DCP1A: variants seen among roughly 807,000 people sequenced by gnomAD.
The protein encoded by DCP1A is decapping mRNA 1A.
Under a neutral mutation model 58.0 loss-of-function variants are expected in DCP1A, and 20 were observed. That is an observed-to-expected ratio of 0.34 (90% CI 0.24 to 0.50). The LOEUF is 0.50. Among genes scored for constraint, DCP1A ranks in the 20% least tolerant of loss-of-function variants. The pLI, the probability that DCP1A is intolerant of heterozygous loss-of-function variation, is 0.98. For synonymous variants in DCP1A, 285 were observed against 275.1 expected (o/e 1.04, Z -0.36); for missense variants, 613 against 712.2 (o/e 0.86, Z 1.59).
chr3:53,289,875 C>T (rs1392898965), intron 8 of DCP1A, among the ~76,000 whole-genome samples: 3 of 152,108 alleles, frequency 2.0e-5, no homozygotes, highest in African/African-American at 4.8e-5. Context: ...GAGCACAGAG[C>T]GGGCCACAGT....
rs1325920378 is a variant in DCP1A, at chr3:53,284,995, C to T, written c.*2585G>A. The T allele has an allele frequency of 6.6e-6, 1 of 152,128 alleles. No homozygotes were observed. Among genetic ancestry groups the T allele is most frequent in the Non-Finnish European group, 1.5e-5 (1 of 68,054 alleles). 9.4% of individuals were successfully genotyped at this position (152,128 alleles called of 1,614,324 possible). A position where few individuals can be genotyped will look rare whatever the true frequency, so the allele number is the denominator to read the frequency against. On this transcript the variant is annotated 3_prime_UTR_variant, in exon 10 of 10. Transcript: ENST00000610213. ...AGGCTGTCTGGGAGGCCTGAGAGTCCATTAAAAGACACCGCATTAACTACA... is the reference window on the plus strand; with the variant it reads ...AGGCTGTCTGGGAGGCCTGAGAGTCTATTAAAAGACACCGCATTAACTACA...
At chr3:53,295,753 G>A (rs537235583) in intron 6 of DCP1A, among the ~76,000 whole-genome samples, 17 of 152,228 alleles carry the variant, frequency 1.1e-4, no homozygotes, top group Admixed American at 2.6e-4. Context: ...TTCTAATTTA[G>A]TTCCTTATCT....
At chr3:53,339,076 T>C (rs1233354316) in intron 3 of DCP1A, among the ~76,000 whole-genome samples, 1 of 152,140 alleles carries the variant, frequency 6.6e-6, no homozygotes, top group Non-Finnish European at 1.5e-5. Context: ...GAATCAGGTA[T>C]AATTACCTGT....
chr3:53,317,007 T>C (rs782799130), intron 4 of DCP1A, among the ~76,000 whole-genome samples: 2 of 152,180 alleles, frequency 1.3e-5, no homozygotes, highest in African/African-American at 4.8e-5. Flanking sequence ...CTTTCAATAG[T>C]TGTTAGAGCT....
intron 4 of DCP1A, among the ~76,000 whole-genome samples, chr3:53,314,453 A>G (rs1018367755): frequency 6.6e-6 from 1 of 152,152 alleles, no homozygotes; most frequent in African/African-American, 2.4e-5. Context: ...TGAGAATAAG[A>G]CCAAACATGA....
chr3:53,339,395 G>A (rs1553692308), intron 3 of DCP1A, among the ~76,000 whole-genome samples: 1 of 152,108 alleles, frequency 6.6e-6, no homozygotes, highest in Non-Finnish European at 1.5e-5. Context: ...TTCTCCCCAA[G>A]AATGTTCTAG....
intron 4 of DCP1A, among the ~76,000 whole-genome samples, chr3:53,316,701 T>A (rs1707825500): frequency 7.0e-6 from 1 of 142,224 alleles, no homozygotes; most frequent in Non-Finnish European, 1.5e-5. Context: ...CGCCTTGACC[T>A]CCCAAAGTGC....
chr3:53,320,456 C>G (rs1377858314), intron 3 of DCP1A, among the ~76,000 whole-genome samples: 1 of 152,136 alleles, frequency 6.6e-6, no homozygotes, highest in Non-Finnish European at 1.5e-5. Flanking sequence ...CCATGTGGGC[C>G]CATATGATGA....
At chr3:53,313,163 A>G (rs72957594) in intron 4 of DCP1A, among the ~76,000 whole-genome samples, 6,674 of 152,282 alleles carry the variant, frequency 0.044, 486 homozygotes, top group African/African-American at 0.15. Context: ...CTTAAAAGTT[A>G]GTAACACTAT....
At chr3:53,337,967 G>A (rs2089144144) in intron 3 of DCP1A, 1 of 221,136 alleles carries the variant, frequency 4.5e-6, no homozygotes, top group Admixed American at 4.6e-5. Flanking sequence ...CAAAGTTTTA[G>A]TGGATAGCAC....
intron 3 of DCP1A, among the ~76,000 whole-genome samples, chr3:53,322,610 G>C (rs1048339760): frequency 2.0e-5 from 3 of 151,932 alleles, no homozygotes; most frequent in Non-Finnish European, 2.9e-5. Context: ...TCATGAACAA[G>C]AATTTTTTTT....
At chr3:53,345,455 C>A (rs1297553957) in intron 1 of DCP1A, among the ~76,000 whole-genome samples, 14 of 152,096 alleles carry the variant, frequency 9.2e-5, no homozygotes, top group Non-Finnish European at 1.8e-4. Flanking sequence ...ACAAAATCAG[C>A]TTGTTATTTT....
intron 4 of DCP1A, among the ~76,000 whole-genome samples, chr3:53,314,193 C>T (rs1446207532): frequency 6.6e-6 from 1 of 152,116 alleles, no homozygotes; most frequent in Admixed American, 6.5e-5. Context: ...CACAACTGGC[C>T]AGTTGATTTT....
At chr3:53,339,148 GCTGAC>G (rs1404816098) in intron 3 of DCP1A, among the ~76,000 whole-genome samples, 9 of 152,048 alleles carry the variant, frequency 5.9e-5, no homozygotes, top group African/African-American at 2.2e-4. Flanking sequence ...TTAATAGCTC[GCTGAC>G]CTGACAAGAC....
chr3:53,328,580 C>A (rs1553690917), intron 3 of DCP1A, among the ~76,000 whole-genome samples: 1 of 151,476 alleles, frequency 6.6e-6, no homozygotes, highest in African/African-American at 2.4e-5. Context: ...GAGGAAAAAG[C>A]CAGTAATTAG....
chr3:53,314,162 G>A (rs374499197), intron 4 of DCP1A, among the ~76,000 whole-genome samples: 2 of 152,032 alleles, frequency 1.3e-5, no homozygotes, highest in East Asian at 1.9e-4. Flanking sequence ...CCAAAGTGCC[G>A]GGATTATAGA....
Position 53,286,685 on chromosome 3 carries a change from G to A in DCP1A, c.*895C>T, listed in dbSNP as rs782559650. ...TACACTCAAGGAAAGGAACCAGAAT[G>A]GCTTTGTCAGATTGGTCCACTGGTC... On this transcript the variant is annotated 3_prime_UTR_variant, in exon 10 of 10. Transcript: ENST00000610213. The A allele has an allele frequency of 2.6e-5, 4 of 152,226 alleles. No individual in the cohort carries two copies. Among genetic ancestry groups the A allele is most frequent in the Non-Finnish European group, 5.9e-5 (4 of 68,038 alleles). The allele number at this position is 152,226 out of a possible 1,614,324, so 9.4% of individuals were successfully genotyped here. A position where few individuals can be genotyped will look rare whatever the true frequency, so the allele number is the denominator to read the frequency against.
At chr3:53,347,250 C>G (rs2106908739) in intron 1 of DCP1A, 133 bp downstream of exon 1, 1 of 1,174,974 alleles carries the variant, frequency 8.5e-7, no homozygotes, top group Non-Finnish European at 1.1e-6. Context: ...TGGCTAGGCT[C>G]TTGGCCAGAC....
chr3:53,297,992 A>C (rs1707184807), intron 6 of DCP1A, among the ~76,000 whole-genome samples: 1 of 152,214 alleles, frequency 6.6e-6, no homozygotes, highest in Non-Finnish European at 1.5e-5. Context: ...CCTAGGCGGA[A>C]GCATTGCTTG....
Sources: allele counts gnomAD v4.1 joint callset (sites outside exome capture counted in the v4.1 genomes callset), GRCh38; gene constraint gnomAD v4.1.1; transcripts MANE v1.5; gene names NCBI Gene and HGNC (gene_info 2026-07-23, HGNC 2026-07-21).